The following DLGAP2 variants were observed in gnomAD, a reference collection of about 807,000 sequenced individuals.
The protein encoded by DLGAP2 is DLG associated protein 2.
In DLGAP2, 26 loss-of-function variants were observed where a neutral mutation model predicts 100.3. That is an observed-to-expected ratio of 0.26 (90% confidence interval 0.19 to 0.36). DLGAP2 has a LOEUF of 0.36. Among genes scored for constraint, DLGAP2 ranks in the 10% least tolerant of loss-of-function variants. The probability of loss-of-function intolerance (pLI) is 1.00; values close to 1 mark genes in which losing one functional copy is unlikely to be tolerated. For missense variants in DLGAP2, 1,858 were observed against 1,453.2 expected (o/e 1.28, Z -4.53); for synonymous variants, 886 against 630.1 (o/e 1.41, Z -6.08).
chr8:1,315,316 T>C (rs367564522), intron 3 of DLGAP2, among the ~76,000 whole-genome samples: 1 of 79,116 alleles, frequency 1.3e-5, no homozygotes. Context: ...CTCTCCAACA[T>C]TGGTCTACAC....
intron 2 of DLGAP2, among the ~76,000 whole-genome samples, chr8:1,189,458 G>A (rs1478831452): frequency 6.6e-6 from 1 of 152,202 alleles, no homozygotes; most frequent in Non-Finnish European, 1.5e-5. Context: ...ACCAAGAGAC[G>A]TTTAAACCAG....
chr8:1,619,438 A>G (rs900505472), intron 6 of DLGAP2, among the ~76,000 whole-genome samples: 6 of 152,240 alleles, frequency 3.9e-5, no homozygotes, highest in Admixed American at 3.9e-4. Context: ...AATTAATACA[A>G]TTTAATGGGT....
intron 3 of DLGAP2, among the ~76,000 whole-genome samples, chr8:1,461,599 TG>T (rs1798469201): frequency 2.9e-5 from 1 of 34,986 alleles, no homozygotes; most frequent in Non-Finnish European, 4.7e-5. Flanking sequence ...TGCTGTCACG[TG>T]GGCTGGGTGC....
At chr8:738,599 G>A (rs1431078471) in intron 1 of DLGAP2, 2 of 152,232 alleles carry the variant, frequency 1.3e-5, no homozygotes, top group African/African-American at 4.8e-5. Context: ...GAAATAATGA[G>A]GATGTAATTA....
intron 2 of DLGAP2, among the ~76,000 whole-genome samples, chr8:1,186,531 C>T (rs969545259): frequency 6.6e-6 from 1 of 152,194 alleles, no homozygotes; most frequent in African/African-American, 2.4e-5. Flanking sequence ...GCCTTATCCT[C>T]TCTAAGCGTC....
At chr8:1,049,918 AC>A (rs1802626272) in intron 2 of DLGAP2, among the ~76,000 whole-genome samples, 1 of 152,184 alleles carries the variant, frequency 6.6e-6, no homozygotes, top group Non-Finnish European at 1.5e-5. Flanking sequence ...GCAGGCAGAC[AC>A]ATGCATATGT....
At chr8:1,520,549 G>C (rs1412911406) in intron 4 of DLGAP2, among the ~76,000 whole-genome samples, 1 of 152,122 alleles carries the variant, frequency 6.6e-6, no homozygotes, top group East Asian at 1.9e-4. Flanking sequence ...ACACAGAGCA[G>C]TTTCCTTGCC....
chr8:921,366 C>T (rs1798710427), intron 2 of DLGAP2, among the ~76,000 whole-genome samples: 1 of 152,240 alleles, frequency 6.6e-6, no homozygotes, highest in Middle Eastern at 3.4e-3. Flanking sequence ...TCCACAGACC[C>T]GACCTCCCTG....
chr8:1,304,156 C>G (rs1800433805), intron 3 of DLGAP2, among the ~76,000 whole-genome samples: 2 of 152,208 alleles, frequency 1.3e-5, no homozygotes, highest in Admixed American at 6.5e-5. Context: ...CTGGAATGTT[C>G]CATGGGAGCA....
At chr8:1,050,046 TCACA>T (rs774906198) in intron 2 of DLGAP2, among the ~76,000 whole-genome samples, 4 of 152,168 alleles carry the variant, frequency 2.6e-5, no homozygotes, top group Non-Finnish European at 5.9e-5. Flanking sequence ...ACACATGCTG[TCACA>T]CACATGTACA....
chr8:1,157,975 A>G (rs1387875746), intron 2 of DLGAP2, among the ~76,000 whole-genome samples: 1 of 152,244 alleles, frequency 6.6e-6, no homozygotes, highest in Non-Finnish European at 1.5e-5. Context: ...GGAGTTATAC[A>G]AGAGACAGAT....
intron 3 of DLGAP2, among the ~76,000 whole-genome samples, chr8:1,481,886 A>G (rs1384780692): frequency 6.6e-6 from 1 of 152,186 alleles, no homozygotes; most frequent in African/African-American, 2.4e-5. Context: ...CAGTGGGTTG[A>G]TCATGTCTCA....
intron 1 of DLGAP2, among the ~76,000 whole-genome samples, chr8:879,257 A>T (rs1269401412): frequency 6.6e-6 from 1 of 152,220 alleles, no homozygotes; most frequent in African/African-American, 2.4e-5. Context: ...CTAGAGAAGA[A>T]TTATTCACTC....
intron 2 of DLGAP2, among the ~76,000 whole-genome samples, chr8:1,221,487 C>T (rs928331901): frequency 2.6e-5 from 4 of 152,098 alleles, no homozygotes; most frequent in Admixed American, 2.6e-4. Flanking sequence ...TGATGGGGTT[C>T]CCTTGGTACA....
At chr8:979,378 A>G (rs1450231914) in intron 2 of DLGAP2, among the ~76,000 whole-genome samples, 2 of 152,228 alleles carry the variant, frequency 1.3e-5, no homozygotes, top group African/African-American at 4.8e-5. Flanking sequence ...GTTGAACCTA[A>G]CAGCAGACAT....
At chr8:1,053,056 C>T (rs183327727) in intron 2 of DLGAP2, among the ~76,000 whole-genome samples, 8 of 152,318 alleles carry the variant, frequency 5.3e-5, no homozygotes, top group African/African-American at 1.7e-4. Flanking sequence ...CTTGAATTTA[C>T]ATGTGGAGTA....
intron 1 of DLGAP2, among the ~76,000 whole-genome samples, chr8:788,538 C>A (rs547309001): frequency 2.6e-5 from 4 of 152,312 alleles, no homozygotes; most frequent in South Asian, 4.1e-4. Flanking sequence ...ATATTTTACC[C>A]TTAGATAAGA....
intron 3 of DLGAP2, among the ~76,000 whole-genome samples, chr8:1,291,537 T>A (rs1405281311): frequency 6.6e-6 from 1 of 152,148 alleles, no homozygotes; most frequent in African/African-American, 2.4e-5. Flanking sequence ...GAGGGTTTTG[T>A]GGTATATTCG....
At chr8:1,200,443 G>T (rs1292585652) in intron 2 of DLGAP2, among the ~76,000 whole-genome samples, 1 of 152,160 alleles carries the variant, frequency 6.6e-6, no homozygotes, top group Admixed American at 6.5e-5. Flanking sequence ...TGGTGTTTCC[G>T]TTCACACTGC....
Sources: gnomAD v4.1 joint callset for allele counts (sites outside exome capture counted in the v4.1 genomes callset) on GRCh38, gnomAD v4.1.1 for gene constraint, MANE v1.5 for transcripts, NCBI Gene and HGNC (gene_info 2026-07-23, HGNC 2026-07-21) for gene names.